The following KCNH5 variants were observed in gnomAD, a reference collection of about 807,000 sequenced individuals.
KCNH5 encodes the protein potassium voltage-gated channel subfamily H member 5.
A neutral mutation model predicts 96.1 loss-of-function variants in KCNH5; 46 were observed. The observed-to-expected ratio is 0.48, with a 90% CI of 0.38 to 0.61. The LOEUF is 0.61. KCNH5 is among the 20% of genes least tolerant of loss of function. The pLI, the probability that KCNH5 is intolerant of heterozygous loss-of-function variation, is 0.00. For synonymous variants in KCNH5, 439 were observed against 449.8 expected (o/e 0.98, Z 0.30); for missense variants, 907 against 1,225.8 (o/e 0.74, Z 3.88).
At chr14:63,035,173 T>C (rs917710951) in intron 1 of KCNH5, among the ~76,000 whole-genome samples, 2 of 152,224 alleles carry the variant, frequency 1.3e-5, no homozygotes, top group Non-Finnish European at 2.9e-5. Flanking sequence ...ATATATTTAA[T>C]GTTTAAGCAT....
At chr14:62,716,276 A>G (rs1315275045) in intron 10 of KCNH5, among the ~76,000 whole-genome samples, 1 of 152,238 alleles carries the variant, frequency 6.6e-6, no homozygotes. Flanking sequence ...ACATTGCAGT[A>G]GCCCATGAAT....
intron 8 of KCNH5, among the ~76,000 whole-genome samples, chr14:62,804,231 C>A (rs1886721114): frequency 6.6e-6 from 1 of 152,154 alleles, no homozygotes; most frequent in Admixed American, 6.6e-5. Context: ...CTATAGGCAG[C>A]AGCAATCTGC....
At chr14:62,849,618 A>C (rs984400778) in intron 8 of KCNH5, 35 bp downstream of exon 8, 3 of 1,564,586 alleles carry the variant, frequency 1.9e-6, no homozygotes, top group Non-Finnish European at 2.6e-6. Context: ...ATCCTACTAA[A>C]ATAGAAACTA....
intron 6 of KCNH5, among the ~76,000 whole-genome samples, chr14:62,970,044 TA>T (rs373852520): frequency 0.022 from 661 of 30,396 alleles, 1 homozygote; most frequent in Admixed American, 0.024. Flanking sequence ...AGACTCCGTC[TA>T]AAAAAAAAAA....
intron 9 of KCNH5, among the ~76,000 whole-genome samples, chr14:62,794,406 T>C (rs1344813624): frequency 6.6e-6 from 1 of 151,892 alleles, no homozygotes; most frequent in Non-Finnish European, 1.5e-5. Context: ...TTTTTGTAAT[T>C]TGATGGGTAA....
chr14:62,881,963 C>A (rs570902225), intron 7 of KCNH5, among the ~76,000 whole-genome samples: 1 of 151,950 alleles, frequency 6.6e-6, no homozygotes, highest in South Asian at 2.1e-4. Flanking sequence ...ATTTGTGGGG[C>A]CTTCAAGAAA....
chr14:62,896,635 A>G (rs762667658), intron 7 of KCNH5, among the ~76,000 whole-genome samples: 9 of 152,218 alleles, frequency 5.9e-5, no homozygotes, highest in African/African-American at 9.7e-5. Context: ...ATAAATTGCT[A>G]TCTGACATAT....
intron 7 of KCNH5, among the ~76,000 whole-genome samples, chr14:62,902,037 T>C (rs1888935936): frequency 6.6e-6 from 1 of 152,202 alleles, no homozygotes; most frequent in Admixed American, 6.5e-5. Context: ...GAAGTATCTG[T>C]TCATGTCCTT....
chr14:62,881,522 T>C (rs773402318), intron 7 of KCNH5, among the ~76,000 whole-genome samples: 3 of 152,004 alleles, frequency 2.0e-5, no homozygotes, highest in Non-Finnish European at 4.4e-5. Flanking sequence ...AAATAACCAA[T>C]AGGTGCCTGG....
chr14:62,871,121 A>AT (rs1161298246), intron 7 of KCNH5, among the ~76,000 whole-genome samples: 1 of 152,176 alleles, frequency 6.6e-6, no homozygotes, highest in Non-Finnish European at 1.5e-5. Context: ...TTGTCTTCAG[A>AT]TTTTTTGATT....
chr14:62,895,515 T>C (rs1178563451), intron 7 of KCNH5, among the ~76,000 whole-genome samples: 4 of 152,118 alleles, frequency 2.6e-5, no homozygotes, highest in African/African-American at 9.7e-5. Flanking sequence ...TTTTCTTTAG[T>C]AGAGACAGGG....
chr14:62,747,002 A>G (rs1462711281), intron 10 of KCNH5, among the ~76,000 whole-genome samples: 1 of 152,252 alleles, frequency 6.6e-6, no homozygotes, highest in African/African-American at 2.4e-5. Flanking sequence ...TCTACTTCTA[A>G]AAGTGCAATT....
intron 10 of KCNH5, among the ~76,000 whole-genome samples, chr14:62,775,482 C>A (rs1279791027): frequency 1.3e-5 from 2 of 152,182 alleles, no homozygotes; most frequent in Non-Finnish European, 2.9e-5. Flanking sequence ...CAACACTAGC[C>A]CAGCATCCCC....
chr14:62,778,287 T>C (rs971127536), intron 10 of KCNH5, among the ~76,000 whole-genome samples: 3 of 152,184 alleles, frequency 2.0e-5, no homozygotes, highest in African/African-American at 7.2e-5. Flanking sequence ...AAGTGGGCTC[T>C]TGGTATACAC....
intron 10 of KCNH5, among the ~76,000 whole-genome samples, chr14:62,731,943 C>T (rs1391186416): frequency 6.6e-6 from 1 of 152,146 alleles, no homozygotes; most frequent in Non-Finnish European, 1.5e-5. Flanking sequence ...TGAGAAAATT[C>T]CTCAGCCACA....
chr14:62,754,394 T>A (rs920311800), intron 10 of KCNH5, among the ~76,000 whole-genome samples: 93 of 151,862 alleles, frequency 6.1e-4, no homozygotes, highest in African/African-American at 2.1e-3. Context: ...TCCTTACTTA[T>A]CAATACAACA....
chr14:62,936,241 T>C (rs1237891114), intron 7 of KCNH5, among the ~76,000 whole-genome samples: 1 of 152,088 alleles, frequency 6.6e-6, no homozygotes, highest in Non-Finnish European at 1.5e-5. Context: ...TGCTGGGTAA[T>C]AAGGCAAAGA....
intron 6 of KCNH5, among the ~76,000 whole-genome samples, chr14:62,955,327 A>G (rs1890083659): frequency 6.6e-6 from 1 of 152,200 alleles, no homozygotes; most frequent in African/African-American, 2.4e-5. Flanking sequence ...AACCAACAGA[A>G]AGTTAGGTCA....
intron 10 of KCNH5, among the ~76,000 whole-genome samples, chr14:62,736,556 G>T (rs1261646745): frequency 6.6e-6 from 1 of 151,960 alleles, no homozygotes; most frequent in Non-Finnish European, 1.5e-5. Context: ...CAGCCAGGAA[G>T]ATGCCAGCCT....
Sources: allele counts gnomAD v4.1 joint callset (sites outside exome capture counted in the v4.1 genomes callset), GRCh38; gene constraint gnomAD v4.1.1; transcripts MANE v1.5; gene names NCBI Gene and HGNC (gene_info 2026-07-23, HGNC 2026-07-21).